Variants in SMARCC1 observed in about 807,000 individuals in gnomAD.
The protein encoded by SMARCC1 is SWI/SNF related BAF chromatin remodeling complex subunit C1, also known as SWI/SNF complex subunit SMARCC1.
Under a neutral mutation model 147.4 loss-of-function variants are expected in SMARCC1, and 43 were observed. The observed-to-expected ratio is 0.29, with a 90% confidence interval of 0.23 to 0.38. The LOEUF (loss-of-function observed/expected upper bound fraction) is 0.38, where lower values mean the gene tolerates loss of function less well. SMARCC1 is among the 10% of genes least tolerant of loss of function. The pLI is 1.00. For missense variants in SMARCC1, 1,119 were observed against 1,381.1 expected, an observed-to-expected ratio of 0.81 and a Z score of 3.01; for synonymous variants, 495 against 484.4, an observed-to-expected ratio of 1.02 and a Z score of -0.29.
chr3:47,661,876 T>A (rs1159205676), intron 20 of SMARCC1, among the ~76,000 whole-genome samples: 1 of 152,244 alleles, frequency 6.6e-6, no homozygotes, highest in Admixed American at 6.5e-5. Context: ...ATTAAATGAC[T>A]TCCTTTGCTA....
At chr3:47,644,955 G>C (rs2033098960) in intron 21 of SMARCC1, among the ~76,000 whole-genome samples, 1 of 152,068 alleles carries the variant, frequency 6.6e-6, no homozygotes, top group Admixed American at 6.6e-5. Flanking sequence ...AAGGTGGGGG[G>C]AGTCAACCCA....
At chr3:47,650,247 G>A (rs1346310751) in intron 21 of SMARCC1, among the ~76,000 whole-genome samples, 1 of 150,012 alleles carries the variant, frequency 6.7e-6, no homozygotes, top group Non-Finnish European at 1.5e-5. Context: ...CTGCACTCTA[G>A]CCTGGGCGAC....
intron 6 of SMARCC1, among the ~76,000 whole-genome samples, chr3:47,727,997 T>A (rs1053209791): frequency 2.0e-5 from 3 of 150,990 alleles, no homozygotes; most frequent in African/African-American, 7.3e-5. Flanking sequence ...TGACCTCAAG[T>A]GATCCTCCCA....
intron 2 of SMARCC1, among the ~76,000 whole-genome samples, chr3:47,753,113 A>AG (rs1203611949): frequency 1.3e-5 from 2 of 152,080 alleles, no homozygotes; most frequent in Non-Finnish European, 1.5e-5. Context: ...TGGGAGTCCA[A>AG]GGGGGGCGGA....
At chr3:47,727,525 G>C (rs528278959) in intron 6 of SMARCC1, among the ~76,000 whole-genome samples, 3 of 151,986 alleles carry the variant, frequency 2.0e-5, no homozygotes, top group East Asian at 1.9e-4. Context: ...AAATTGTACT[G>C]TGTGTACATA....
At chr3:47,599,451 T>C (rs2032351428) in intron 26 of SMARCC1, among the ~76,000 whole-genome samples, 1 of 152,236 alleles carries the variant, frequency 6.6e-6, no homozygotes, top group South Asian at 2.1e-4. Flanking sequence ...GCACTATATT[T>C]AAGAGTTTTA....
chr3:47,733,886 T>G (rs1279659778), intron 5 of SMARCC1, among the ~76,000 whole-genome samples: 1 of 145,748 alleles, frequency 6.9e-6, no homozygotes. Flanking sequence ...AAAAAAGGTA[T>G]ATATACACGT....
At chr3:47,726,061 C>CAAAAAAAAAAAAAAAAAAAAAAAAAA (rs546659321) in intron 6 of SMARCC1, among the ~76,000 whole-genome samples, 1 of 50,782 alleles carries the variant, frequency 2.0e-5, no homozygotes, top group Non-Finnish European at 3.5e-5. Flanking sequence ...GACTCTGTCT[C>CAAAAAAAAAAAAAAAAAAAAAAAAAA]AAAAAAAAAA....
intron 26 of SMARCC1, among the ~76,000 whole-genome samples, chr3:47,592,825 T>G (rs2032207268): frequency 6.7e-6 from 1 of 149,776 alleles, no homozygotes; most frequent in Non-Finnish European, 1.5e-5. Flanking sequence ...TAGTCTTGTT[T>G]TTTTTTTTTT....
intron 2 of SMARCC1, among the ~76,000 whole-genome samples, chr3:47,747,724 G>A (rs946595854): frequency 6.6e-6 from 1 of 151,966 alleles, no homozygotes; most frequent in African/African-American, 2.4e-5. Context: ...AGAAGGCAGG[G>A]AGGAAGGGAG....
At chr3:47,773,947 A>G (rs1317195625) in intron 1 of SMARCC1, among the ~76,000 whole-genome samples, 1 of 152,178 alleles carries the variant, frequency 6.6e-6, no homozygotes, top group Non-Finnish European at 1.5e-5. Flanking sequence ...AAGTATTTTT[A>G]AACCTCCAAT....
chr3:47,737,175 T>C (rs571253669), intron 4 of SMARCC1, among the ~76,000 whole-genome samples: 2 of 152,266 alleles, frequency 1.3e-5, no homozygotes, highest in East Asian at 3.9e-4. Flanking sequence ...GCAAATCGCT[T>C]GAATTCATGA....
chr3:47,725,457 TA>T (rs1406349772), intron 6 of SMARCC1, among the ~76,000 whole-genome samples: 2 of 151,978 alleles, frequency 1.3e-5, no homozygotes, highest in African/African-American at 4.8e-5. Context: ...ATTATATATA[TA>T]TATTTTTTTG....
chr3:47,629,655 T>C (rs541093774), intron 24 of SMARCC1, among the ~76,000 whole-genome samples: 1 of 152,162 alleles, frequency 6.6e-6, no homozygotes, highest in African/African-American at 2.4e-5. Flanking sequence ...ACCAGCTTCT[T>C]AGAAAGGATG....
intron 21 of SMARCC1, among the ~76,000 whole-genome samples, chr3:47,652,835 G>T (rs1353316701): frequency 2.0e-5 from 3 of 151,984 alleles, no homozygotes; most frequent in African/African-American, 4.8e-5. Flanking sequence ...TAAAAAGATG[G>T]ACTGAAGAAG....
intron 14 of SMARCC1, among the ~76,000 whole-genome samples, chr3:47,683,396 A>G (rs1441043305): frequency 6.6e-6 from 1 of 152,192 alleles, no homozygotes; most frequent in Non-Finnish European, 1.5e-5. Context: ...TTTGAGCCAC[A>G]GAATGATGTC....
chr3:47,716,188 G>C (rs2034153515), intron 7 of SMARCC1, among the ~76,000 whole-genome samples: 1 of 151,730 alleles, frequency 6.6e-6, no homozygotes, highest in Admixed American at 6.6e-5. Flanking sequence ...GGCCAAGGCA[G>C]TGGACCACCT....
chr3:47,608,613 A>AG (rs1197233769), intron 26 of SMARCC1, among the ~76,000 whole-genome samples: 1 of 152,046 alleles, frequency 6.6e-6, no homozygotes, highest in Non-Finnish European at 1.5e-5. Flanking sequence ...TGGAAGGTCG[A>AG]GGCGGAAGGA....
intron 6 of SMARCC1, among the ~76,000 whole-genome samples, chr3:47,724,967 G>C (rs917557402): frequency 1.2e-4 from 16 of 130,602 alleles, no homozygotes; most frequent in Non-Finnish European, 2.0e-4. Flanking sequence ...GGGAGGACAA[G>C]GCTACATGGA....
Sources: allele counts gnomAD v4.1 joint callset (sites outside exome capture counted in the v4.1 genomes callset), GRCh38; gene constraint gnomAD v4.1.1; transcripts MANE v1.5; gene names NCBI Gene and HGNC (gene_info 2026-07-23, HGNC 2026-07-21).